Variants in RALA observed in about 807,000 individuals in gnomAD.
The protein encoded by RALA is ras-related protein Ral-A.
In RALA, 5 loss-of-function variants were observed where a neutral mutation model predicts 24.0. The observed-to-expected ratio is 0.21, with a 90% CI of 0.11 to 0.44. RALA has a LOEUF of 0.44. RALA is among the 20% of genes least tolerant of loss of function. RALA has a pLI of 0.99. For synonymous variants in RALA, 77 were observed against 83.8 expected, an observed-to-expected ratio of 0.92 and a Z score of 0.44; for missense variants, 95 against 241.2, an observed-to-expected ratio of 0.39 and a Z score of 4.01.
intron 1 of RALA, among the ~76,000 whole-genome samples, chr7:39,642,760 G>A (rs147164333): frequency 1.9e-3 from 296 of 152,256 alleles, no homozygotes; most frequent in Non-Finnish European, 3.1e-3. Context: ...TTTAGTAGAC[G>A]TATTTTTGAG....
intron 4 of RALA, among the ~76,000 whole-genome samples, chr7:39,698,198 AC>A (rs1233349041): frequency 6.6e-6 from 1 of 151,972 alleles, no homozygotes; most frequent in Non-Finnish European, 1.5e-5. Context: ...TGACAACCCT[AC>A]CCTAGTGACG....
At position 39,671,494 on chromosome 7, in the gene RALA, A is replaced by T. The variant is rs929131118; in HGVS notation, c.-37-15137A>T. On this transcript the variant is annotated intron_variant, in intron 1 of 4. Coordinates refer to ENST00000005257, the MANE Select transcript of RALA (RefSeq NM_005402.4). ...TTAGGGTCTTCTAAAAAGACGCCTG[A>T]ATATTTGTTACGCTTTATTGAATAA... 2.6e-5 allele frequency among the ~76,000 whole-genome samples: 4 copies of T among 152,292 alleles called. No homozygotes were observed. In the East Asian group the frequency reaches 7.7e-4, roughly 29 times the overall value.
chr7:39,632,035 T>G (rs1297592338), intron 1 of RALA, among the ~76,000 whole-genome samples: 1 of 152,164 alleles, frequency 6.6e-6, no homozygotes, highest in African/African-American at 2.4e-5. Context: ...CTGGGCTCTT[T>G]TAAACAACCA....
intron 1 of RALA, among the ~76,000 whole-genome samples, chr7:39,646,796 A>G (rs1791931816): frequency 6.6e-6 from 1 of 152,050 alleles, no homozygotes; most frequent in African/African-American, 2.4e-5. Context: ...TCAGTACAGA[A>G]CTCTAGAGCC....
chr7:39,702,489 A>T (rs1255496433), intron 4 of RALA, among the ~76,000 whole-genome samples: 1 of 152,224 alleles, frequency 6.6e-6, no homozygotes, highest in African/African-American at 2.4e-5. Flanking sequence ...AGATGTATCC[A>T]CATTCTTTTT....
At chr7:39,687,504 C>T (rs954646605) in intron 2 of RALA, among the ~76,000 whole-genome samples, 2 of 152,118 alleles carry the variant, frequency 1.3e-5, no homozygotes, top group African/African-American at 2.4e-5. Context: ...CTACATTCAT[C>T]ATTAAGCAGG....
intron 1 of RALA, among the ~76,000 whole-genome samples, chr7:39,655,494 A>G (rs1366603645): frequency 6.6e-6 from 1 of 152,246 alleles, no homozygotes; most frequent in Non-Finnish European, 1.5e-5. Context: ...TTGTACCTCA[A>G]TAAAGCTGCT....
Position 39,628,376 on chromosome 7 carries a change from TACACACAC to T in RALA, c.-38+4581_-38+4588del, listed in dbSNP as rs36095637. On this transcript the variant is annotated intron_variant, in intron 1 of 4. Coordinates refer to ENST00000005257, the MANE Select transcript of RALA (RefSeq NM_005402.4). ...CAGCAGTCCACAGTAACCTCATAAC[TACACACAC>T]ACACACACACACACACACACACACA... 5.4e-3 allele frequency among the ~76,000 whole-genome samples: 785 copies of T among 145,050 alleles called. 4 individuals are homozygous for T. Among genetic ancestry groups the T allele is most frequent in the African/African-American group, 0.017 (671 of 39,046 alleles).
chr7:39,662,328 TGCAGACG>T (rs1394537962), intron 1 of RALA, among the ~76,000 whole-genome samples: 2 of 152,210 alleles, frequency 1.3e-5, no homozygotes, highest in East Asian at 3.8e-4. Flanking sequence ...CGCAGATTTC[TGCAGACG>T]GCTTGAATTA....
intron 1 of RALA, among the ~76,000 whole-genome samples, chr7:39,673,061 G>A (rs1167499661): frequency 3.3e-5 from 5 of 152,132 alleles, no homozygotes; most frequent in East Asian, 1.9e-4. Context: ...GGTGGTGCAC[G>A]CCTGTAATCC....
At chr7:39,635,939 A>G (rs557727072) in intron 1 of RALA, among the ~76,000 whole-genome samples, 1 of 152,276 alleles carries the variant, frequency 6.6e-6, no homozygotes, top group South Asian at 2.1e-4. Flanking sequence ...TAATTTTTGG[A>G]TTCCATAAAT....
intron 4 of RALA, among the ~76,000 whole-genome samples, chr7:39,705,692 AC>A (rs1793109326): frequency 6.6e-6 from 1 of 152,018 alleles, no homozygotes; most frequent in African/African-American, 2.4e-5. Flanking sequence ...AACTGAGGAA[AC>A]CAAGTTATGA....
chr7:39,649,020 G>A (rs983371312), intron 1 of RALA, among the ~76,000 whole-genome samples: 10 of 152,084 alleles, frequency 6.6e-5, no homozygotes, highest in East Asian at 1.9e-4. Flanking sequence ...TGATCATGCC[G>A]TTGCACTCCA....
intron 1 of RALA, among the ~76,000 whole-genome samples, chr7:39,659,318 T>G (rs1331931546): frequency 6.6e-6 from 1 of 152,078 alleles, no homozygotes; most frequent in East Asian, 1.9e-4. Context: ...AATCTTAAAT[T>G]TAGATTTTTC....
At chr7:39,661,262 C>T (rs745456611) in intron 1 of RALA, among the ~76,000 whole-genome samples, 1 of 152,164 alleles carries the variant, frequency 6.6e-6, no homozygotes, top group Non-Finnish European at 1.5e-5. Flanking sequence ...CCATGTCATT[C>T]TGCCCCTGGC....
At chr7:39,686,366 T>C (rs1332526691) in intron 1 of RALA, among the ~76,000 whole-genome samples, 2 of 152,194 alleles carry the variant, frequency 1.3e-5, no homozygotes, top group Non-Finnish European at 2.9e-5. Flanking sequence ...ACTGGGAAAT[T>C]TTCACTTTTG....
chr7:39,658,109 C>T (rs114765879), intron 1 of RALA, among the ~76,000 whole-genome samples: 1,741 of 152,302 alleles, frequency 0.011, 23 homozygotes, highest in African/African-American at 0.037. Context: ...TTCTTGAGCA[C>T]ACAGACAGTT....
At chr7:39,666,093 A>G (rs1216549642) in intron 1 of RALA, among the ~76,000 whole-genome samples, 2 of 151,988 alleles carry the variant, frequency 1.3e-5, no homozygotes, top group South Asian at 2.1e-4. Context: ...TGGATTTTTT[A>G]ATCTCCCTTT....
At chr7:39,648,164 C>T (rs1791959872) in intron 1 of RALA, among the ~76,000 whole-genome samples, 1 of 152,072 alleles carries the variant, frequency 6.6e-6, no homozygotes, top group African/African-American at 2.4e-5. Context: ...TTACAGGGGC[C>T]CAGTGGCCTG....
Sources: allele counts gnomAD v4.1 joint callset (sites outside exome capture counted in the v4.1 genomes callset), GRCh38; gene constraint gnomAD v4.1.1; transcripts MANE v1.5; gene names NCBI Gene and HGNC (gene_info 2026-07-23, HGNC 2026-07-21).